Variants in GCLC observed in about 807,000 individuals in gnomAD.
GCLC encodes glutamate-cysteine ligase catalytic subunit.
A neutral mutation model predicts 81.5 loss-of-function variants in GCLC; 30 were observed. The observed-to-expected ratio is 0.37, with a 90% CI of 0.28 to 0.50. The LOEUF is 0.50. Among genes scored for constraint, GCLC ranks in the 20% least tolerant of loss-of-function variants. The pLI is 0.96. For synonymous variants in GCLC, 262 were observed against 273.3 expected (o/e 0.96, Z 0.41); for missense variants, 556 against 777.4 (o/e 0.72, Z 3.39).
intron 6 of GCLC, among the ~76,000 whole-genome samples, chr6:53,511,029 A>G (rs1764728728): frequency 6.6e-6 from 1 of 152,228 alleles, no homozygotes; most frequent in Non-Finnish European, 1.5e-5. Context: ...ATGAAATTAC[A>G]TGAGCAGTGA....
chr6:53,515,761 A>G (rs1489648897), intron 4 of GCLC, among the ~76,000 whole-genome samples: 2 of 138,150 alleles, frequency 1.4e-5, no homozygotes, highest in East Asian at 4.3e-4. Flanking sequence ...TAGAGAGGAC[A>G]AAAAAGGAGA....
intron 1 of GCLC, among the ~76,000 whole-genome samples, chr6:53,542,786 C>T (rs1390863990): frequency 3.2e-5 from 2 of 61,754 alleles, no homozygotes; most frequent in African/African-American, 8.6e-5. Flanking sequence ...GAAGCCGAGG[C>T]GGGTGAAAAG....
intron 12 of GCLC, among the ~76,000 whole-genome samples, chr6:53,503,641 A>T (rs1035305298): frequency 6.6e-6 from 1 of 152,038 alleles, no homozygotes; most frequent in Non-Finnish European, 1.5e-5. Context: ...TCCTGTCCGG[A>T]CAGTTAATTT....
At chr6:53,529,971 C>T (rs1171820800) in intron 1 of GCLC, among the ~76,000 whole-genome samples, 1 of 152,244 alleles carries the variant, frequency 6.6e-6, no homozygotes, top group Non-Finnish European at 1.5e-5. Flanking sequence ...AGAATGCACA[C>T]ATGATTTCCT....
At chr6:53,521,159 G>GT (rs1010976753) in intron 2 of GCLC, among the ~76,000 whole-genome samples, 199 bp from the exon 3 acceptor site, 10 of 151,830 alleles carry the variant, frequency 6.6e-5, no homozygotes, top group African/African-American at 1.7e-4. Context: ...GGTCCAAAAT[G>GT]TTTTTTTTCT....
rs188673041 is a variant in GCLC at position 53,511,653 on chromosome 6, C to T, written c.754-2403G>A. 2.6e-3 allele frequency among the ~76,000 whole-genome samples: 392 copies of T among 152,042 alleles called. 4 individuals are homozygous for T. In the Middle Eastern group the frequency reaches 0.034, roughly 13 times the overall value. On this transcript the variant is annotated intron_variant, in intron 6 of 15. Coordinates refer to ENST00000650454, the MANE Select transcript of GCLC (RefSeq NM_001498.4). The stretch of plus-strand genomic sequence containing the variant: ...TATGCAATCAAATTAAATAGGACAT[C>T]ACTGTGGATAATGGCTTTAATGGAA...
chr6:53,498,097 G>C lies in GCLC; in HGVS notation c.*659C>G, dbSNP rs939329515. 6.6e-6 allele frequency: 1 copy of C among 152,102 alleles called. No homozygotes were observed. Among genetic ancestry groups the C allele is most frequent in the Admixed American group, 6.6e-5 (1 of 15,180 alleles). The allele number at this position is 152,102 out of a possible 1,614,324, so 9.4% of individuals were successfully genotyped here. On this transcript the variant is annotated 3_prime_UTR_variant, in exon 16 of 16. Transcript: ENST00000650454. ...AGAGTTGTGTTTAAACTTAATTCCT[G>C]CATCAGCAAATTTAAACAAAGAAAA...
At chr6:53,507,403 T>C (rs1272821898) in intron 9 of GCLC, 77 bp downstream of exon 9, 2 of 1,447,570 alleles carry the variant, frequency 1.4e-6, no homozygotes, top group Non-Finnish European at 1.9e-6. Flanking sequence ...AGACCAGGAG[T>C]CAGCAAAAAA....
chr6:53,535,374 C>T (rs780005823), intron 1 of GCLC, among the ~76,000 whole-genome samples: 7 of 151,996 alleles, frequency 4.6e-5, no homozygotes, highest in African/African-American at 1.4e-4. Flanking sequence ...ATTAGCCAGG[C>T]GTGGTGGCGC....
At chr6:53,513,706 G>A (rs1764802537) in intron 6 of GCLC, 1 of 169,850 alleles carries the variant, frequency 5.9e-6, no homozygotes, top group African/African-American at 2.4e-5. Context: ...ACAGGCTCCT[G>A]TATACTTTAC....
intron 6 of GCLC, among the ~76,000 whole-genome samples, chr6:53,512,172 T>C (rs1289572251): frequency 6.6e-6 from 1 of 152,042 alleles, no homozygotes; most frequent in African/African-American, 2.4e-5. Flanking sequence ...CTCAAACTCC[T>C]GACCTCAAGT....
chr6:53,516,520 A>G (rs913358923), intron 3 of GCLC, among the ~76,000 whole-genome samples: 1 of 152,194 alleles, frequency 6.6e-6, no homozygotes, highest in Non-Finnish European at 1.5e-5. Flanking sequence ...TTCATCTAAT[A>G]GGAAGGACTG....
At chr6:53,507,867 G>A (rs1581731260) in intron 8 of GCLC, among the ~76,000 whole-genome samples, 1 of 151,794 alleles carries the variant, frequency 6.6e-6, no homozygotes, top group East Asian at 1.9e-4. Flanking sequence ...TATTAAGCTA[G>A]GGAAAATAAA....
intron 1 of GCLC, among the ~76,000 whole-genome samples, chr6:53,540,856 CATG>C: frequency 6.6e-6 from 1 of 152,256 alleles, no homozygotes. Context: ...AATACTTAGG[CATG>C]ATGAGACCCT....
At position 53,508,647 on chromosome 6, in the gene GCLC, C is replaced by A. The variant is rs746014100; in HGVS notation, c.893G>T (p.Gly298Val). 1 of 1,613,802 alleles carries A rather than the reference C, an allele frequency of 6.2e-7. No homozygotes were observed. The highest frequency in any genetic ancestry group is 8.5e-7 in the Non-Finnish European group (1 of 1,179,714). Residue 298 changes from glycine (G) to valine (V), a missense_variant, in exon 8 of 16, where the codon GGA becomes GTA. By Grantham distance (109) the Gly-to-Val change is moderately radical. Around this residue, in one of 3 missense-constraint regions of GCLC, gnomAD observed 313 missense variants for 437.3 expected, o/e 0.72. Coordinates refer to ENST00000650454, the MANE Select transcript of GCLC (RefSeq NM_001498.4). Reference sequence around the variant, plus strand: ...ATCATCTACAGATGCAGAAATCACTCCCCAGCGACAATCAATGTCTGACAC... The same window carrying A: ...ATCATCTACAGATGCAGAAATCACTACCCAGCGACAATCAATGTCTGACAC... ...GYVSDIDCRWGVISASVDDRT... is the reference protein window; with the variant it reads ...GYVSDIDCRWVVISASVDDRT...
chr6:53,533,551 C>T (rs1277341412), intron 1 of GCLC, among the ~76,000 whole-genome samples: 1 of 147,114 alleles, frequency 6.8e-6, no homozygotes, highest in Non-Finnish European at 1.5e-5. Flanking sequence ...AAAGAAAATG[C>T]TGAAACCTGA....
chr6:53,528,639 C>T (rs1395778379), intron 1 of GCLC, among the ~76,000 whole-genome samples: 1 of 152,082 alleles, frequency 6.6e-6, no homozygotes, highest in African/African-American at 2.4e-5. Context: ...AATGTCTATT[C>T]ATACTAAAGA....
At chr6:53,533,608 G>A (rs964503940) in intron 1 of GCLC, among the ~76,000 whole-genome samples, 2 of 152,064 alleles carry the variant, frequency 1.3e-5, no homozygotes, top group Non-Finnish European at 2.9e-5. Context: ...AGAATTTACC[G>A]ATTTTCATAA....
At position 53,544,812 on chromosome 6, in the gene GCLC, C is replaced by G. The variant is rs1763422859; in HGVS notation, c.-167G>C. 3.5e-6 allele frequency: 2 copies of G among 565,470 alleles called. No homozygotes were observed. Among genetic ancestry groups the G allele is most frequent in the East Asian group, 7.3e-5 (2 of 27,282 alleles). 35.0% of individuals were successfully genotyped at this position (565,470 alleles called of 1,614,324 possible). A position where few individuals can be genotyped will look rare whatever the true frequency, so the allele number is the denominator to read the frequency against. ...GAGGGTCCTGCCCGCTCCGGCTCCCCGGCGGCGGCCCCTGGCGCCCAGGTG... is the reference window on the plus strand; with the variant it reads ...GAGGGTCCTGCCCGCTCCGGCTCCCGGGCGGCGGCCCCTGGCGCCCAGGTG... On this transcript the variant is annotated 5_prime_UTR_variant, in exon 1 of 16. Coordinates refer to ENST00000650454, the MANE Select transcript of GCLC (RefSeq NM_001498.4).
Sources: allele counts gnomAD v4.1 joint callset (sites outside exome capture counted in the v4.1 genomes callset), GRCh38; gene constraint gnomAD v4.1.1; regional missense constraint gnomAD v4.1.1; transcripts MANE v1.5; gene names NCBI Gene and HGNC (gene_info 2026-07-23, HGNC 2026-07-21).